The following KDM7A variants were observed in gnomAD, a reference collection of about 807,000 sequenced individuals.
The protein encoded by KDM7A is lysine demethylase 7A, also known as lysine-specific demethylase 7A.
A neutral mutation model predicts 114.8 loss-of-function variants in KDM7A; 28 were observed. The ratio of observed to expected loss-of-function variants is 0.24; its 90% CI spans 0.18 to 0.33. The LOEUF (loss-of-function observed/expected upper bound fraction) is 0.33. Ranked by LOEUF, KDM7A falls within the 10% of genes least tolerant of loss-of-function variation. The probability of loss-of-function intolerance (pLI) is 1.00; values close to 1 mark genes in which losing one functional copy is unlikely to be tolerated. For synonymous variants in KDM7A, 423 were observed against 397.8 expected, an observed-to-expected ratio of 1.06 and a Z score of -0.75; for missense variants, 942 against 1,142.5, an observed-to-expected ratio of 0.82 and a Z score of 2.53.
intron 7 of KDM7A, among the ~76,000 whole-genome samples, chr7:140,123,748 A>C (rs1818652239): frequency 6.6e-6 from 1 of 152,198 alleles, no homozygotes; most frequent in South Asian, 2.1e-4. Context: ...CCATGAAAAG[A>C]TGAAGTAATG....
chr7:140,115,498 A>G (rs1031376287), intron 9 of KDM7A, among the ~76,000 whole-genome samples: 1 of 152,118 alleles, frequency 6.6e-6, no homozygotes, highest in African/African-American at 2.4e-5. Context: ...CCTTACCCCC[A>G]ACCCCGTGCT....
At position 140,176,730 on chromosome 7, in the gene KDM7A, G is replaced by A. The variant is rs746203938; in HGVS notation, c.194+14C>T. On this transcript the variant is annotated intron_variant, in intron 1 of 19. Coordinates refer to ENST00000397560, the MANE Select transcript of KDM7A (RefSeq NM_030647.2). The surrounding 1 kb of genome is among the most constrained non-coding windows in gnomAD (Gnocchi z 4.4). ...CGGCGGTGGCGGCTGCGGGGCTGGA[G>A]GGGGTTTATTTACCTGCCGTGGAAC... 7.7e-7 allele frequency: 1 copy of A among 1,306,374 alleles called. No individual in the cohort carries two copies. The highest frequency in any genetic ancestry group is 1.5e-5 in the African/African-American group (1 of 64,688). 80.9% of individuals were successfully genotyped at this position (1,306,374 alleles called of 1,614,324 possible).
chr7:140,101,556 T>G (rs566611476), intron 12 of KDM7A, among the ~76,000 whole-genome samples: 8 of 152,316 alleles, frequency 5.3e-5, no homozygotes, highest in African/African-American at 1.7e-4. Flanking sequence ...TTTGGGTTTT[T>G]TTTAAATAAC....
At chr7:140,113,463 C>T (rs756634434) in intron 10 of KDM7A, 28 bp downstream of exon 10, 4 of 953,856 alleles carry the variant, frequency 4.2e-6, no homozygotes, top group Admixed American at 7.9e-5. Context: ...GCATAAAACA[C>T]AGTGATTTCA....
chr7:140,091,048 C>G lies in KDM7A; in HGVS notation c.*46G>C, dbSNP rs759344283. 1 of 1,412,728 alleles carries G rather than the reference C, an allele frequency of 7.1e-7. No homozygotes were observed. Among genetic ancestry groups the G allele is most frequent in the Middle Eastern group, 1.8e-4 (1 of 5,668 alleles). 87.5% of individuals were successfully genotyped at this position (1,412,728 alleles called of 1,614,324 possible). On this transcript the variant is annotated 3_prime_UTR_variant, in exon 20 of 20. Transcript: ENST00000397560. ...AGCGGAAGCTCCAGGCTCCTGCACC[C>G]CTAGACTGGTCTCCAAAGGGAAGAA...
rs2116820283 is a variant in KDM7A at position 140,139,089 on chromosome 7, A to C, written c.280+16T>G. Reference sequence around the variant, plus strand: ...TTTCTGAAATGTCCATTTTTATTTAAGCATCTAGTACTTACTCAAGGAGGA... The same window carrying C: ...TTTCTGAAATGTCCATTTTTATTTACGCATCTAGTACTTACTCAAGGAGGA... On this transcript the variant is annotated intron_variant, in intron 2 of 19. Transcript: ENST00000397560. 1 of 1,535,640 alleles carries C rather than the reference A, an allele frequency of 6.5e-7. No homozygotes were observed. Among genetic ancestry groups the C allele is most frequent in the Admixed American group, 1.7e-5 (1 of 57,706 alleles).
Position 140,102,102 on chromosome 7 carries a change from C to G in KDM7A, c.1487G>C (p.Arg496Pro). Residue 496 changes from arginine to proline, a missense_variant, in exon 12 of 20, where the codon CGA becomes CCA. Arg to Pro is a moderately radical substitution (Grantham distance 103). This residue lies in a region of KDM7A where 512 missense variants were observed against 576.6 expected (regional missense o/e 0.89). Transcript: ENST00000397560. ...TGGGGAAGTTGCTTCATTTGAGGAT[C>G]GTGAAACTGGACACACAATAGGAAT... ...QGIPIVCPVS[R>P]SSNEATSPYH... 1 of 1,613,990 alleles carries G rather than the reference C, an allele frequency of 6.2e-7. No homozygotes were observed. Among genetic ancestry groups the G allele is most frequent in the Non-Finnish European group, 8.5e-7 (1 of 1,179,928 alleles).
intron 1 of KDM7A, among the ~76,000 whole-genome samples, chr7:140,150,036 G>A (rs2116834358): frequency 6.6e-6 from 1 of 152,224 alleles, no homozygotes; most frequent in South Asian, 2.1e-4. Flanking sequence ...AAGTTTTATG[G>A]TGTAATTTAC....
At chr7:140,142,665 T>C (rs1211891739) in intron 1 of KDM7A, among the ~76,000 whole-genome samples, 2 of 152,160 alleles carry the variant, frequency 1.3e-5, no homozygotes, top group Non-Finnish European at 1.5e-5. Flanking sequence ...GATAGTCTGA[T>C]ACAGCCATTG....
intron 1 of KDM7A, among the ~76,000 whole-genome samples, chr7:140,168,230 T>C (rs1030699147): frequency 2.6e-5 from 4 of 152,196 alleles, no homozygotes; most frequent in African/African-American, 9.7e-5. Flanking sequence ...ATTTATCTTT[T>C]AACTAAGCAA....
intron 1 of KDM7A, among the ~76,000 whole-genome samples, chr7:140,160,277 T>C (rs1226407882): frequency 6.6e-6 from 1 of 151,942 alleles, no homozygotes; most frequent in Non-Finnish European, 1.5e-5. Flanking sequence ...TGGTGGTAAA[T>C]GAAACTAAAA....
At chr7:140,092,204 T>C in intron 18 of KDM7A, 127 bp from the exon 19 acceptor site, 3 of 872,256 alleles carry the variant, frequency 3.4e-6, no homozygotes, top group Non-Finnish European at 5.3e-6. Context: ...TCTTAACATC[T>C]ATTAGCCACG....
At chr7:140,140,115 T>C (rs1436604051) in intron 1 of KDM7A, among the ~76,000 whole-genome samples, 2 of 152,086 alleles carry the variant, frequency 1.3e-5, no homozygotes, top group Admixed American at 6.6e-5. Flanking sequence ...GAAAAAAGGA[T>C]TTGCTCCCTA....
At chr7:140,170,409 ATCC>A (rs985482827) in intron 1 of KDM7A, among the ~76,000 whole-genome samples, 4 of 152,236 alleles carry the variant, frequency 2.6e-5, no homozygotes, top group Admixed American at 1.3e-4. Context: ...GTCACATCTA[ATCC>A]TCCTCCTGAA....
At chr7:140,101,780 TAGAA>T (rs1008765737) in intron 12 of KDM7A, among the ~76,000 whole-genome samples, 167 bp downstream of exon 12, 12 of 152,234 alleles carry the variant, frequency 7.9e-5, no homozygotes, top group African/African-American at 2.9e-4. Flanking sequence ...CACTAAAACT[TAGAA>T]AGATTAAGCA....
At chr7:140,158,640 G>A (rs1026192324) in intron 1 of KDM7A, among the ~76,000 whole-genome samples, 1 of 152,268 alleles carries the variant, frequency 6.6e-6, no homozygotes, top group East Asian at 1.9e-4. Context: ...AGAGAGCTAC[G>A]AAAGAAAACA....
At chr7:140,139,020 T>C in intron 2 of KDM7A, 85 bp downstream of exon 2, 1 of 823,662 alleles carries the variant, frequency 1.2e-6, no homozygotes, top group Non-Finnish European at 2.0e-6. Context: ...CCTCAGAGTA[T>C]CATTAAAGTA....
chr7:140,171,297 A>G (rs1252603765), intron 1 of KDM7A, among the ~76,000 whole-genome samples: 2 of 132,298 alleles, frequency 1.5e-5, no homozygotes, highest in Non-Finnish European at 3.0e-5. Flanking sequence ...CATCTCTACT[A>G]AAAATACAAA....
At chr7:140,100,671 T>TATATACAC (rs1818188468) in intron 12 of KDM7A, among the ~76,000 whole-genome samples, 2 of 40,304 alleles carry the variant, frequency 5.0e-5, no homozygotes, top group South Asian at 6.9e-4. Context: ...TATATATATA[T>TATATACAC]ATATATATAC....
Sources: gnomAD v4.1 joint callset for allele counts (sites outside exome capture counted in the v4.1 genomes callset) on GRCh38, gnomAD v4.1.1 for gene constraint, gnomAD v4.1.1 regional missense constraint, Gnocchi (gnomAD v3.1) non-coding constraint, MANE v1.5 for transcripts, NCBI Gene and HGNC (gene_info 2026-07-23, HGNC 2026-07-21) for gene names.